AKAP13: variants seen among roughly 807,000 people sequenced by gnomAD.
The protein encoded by AKAP13 is A-kinase anchor protein 13.
Under a neutral mutation model 264.5 loss-of-function variants are expected in AKAP13, and 80 were observed. The ratio of observed to expected loss-of-function variants is 0.30; its 90% CI spans 0.25 to 0.36. The LOEUF (loss-of-function observed/expected upper bound fraction) is 0.36, where lower values mean the gene tolerates loss of function less well. Among genes scored for constraint, AKAP13 ranks in the 10% least tolerant of loss-of-function variants. The probability of loss-of-function intolerance (pLI) is 1.00; values close to 1 mark genes in which losing one functional copy is unlikely to be tolerated. For missense variants in AKAP13, 3,712 were observed against 3,435.2 expected (o/e 1.08, Z -2.01); for synonymous variants, 1,380 against 1,250.2 (o/e 1.10, Z -2.19).
intron 1 of AKAP13, among the ~76,000 whole-genome samples, chr15:85,476,994 G>C (rs1181586747): frequency 6.6e-6 from 1 of 152,102 alleles, no homozygotes; most frequent in Non-Finnish European, 1.5e-5. Context: ...GGAAGCTCTA[G>C]GAAAACTAAG....
intron 1 of AKAP13, among the ~76,000 whole-genome samples, chr15:85,437,733 A>G (rs555285209): frequency 6.6e-6 from 1 of 152,256 alleles, no homozygotes; most frequent in Admixed American, 6.5e-5. Flanking sequence ...TGGTTATCTC[A>G]ATAGATGCAG....
At chr15:85,543,144 T>C (rs1001104195) in intron 4 of AKAP13, among the ~76,000 whole-genome samples, 2 of 152,202 alleles carry the variant, frequency 1.3e-5, no homozygotes, top group African/African-American at 4.8e-5. Context: ...TAGTCTTCCT[T>C]ATTGTGCCAG....
At chr15:85,565,324 T>G (rs1324796345) in intron 5 of AKAP13, among the ~76,000 whole-genome samples, 4 of 152,234 alleles carry the variant, frequency 2.6e-5, no homozygotes, top group African/African-American at 9.6e-5. Flanking sequence ...GATCTTTCTT[T>G]CACTTGTTTT....
Position 85,727,593 on chromosome 15 carries a change from A to T in AKAP13, c.7087+130A>T. The T allele has an allele frequency of 1.1e-6, 1 of 892,140 alleles. No homozygotes were observed. Among genetic ancestry groups the T allele is most frequent in the South Asian group, 1.7e-5 (1 of 60,458 alleles). The allele number at this position is 892,140 out of a possible 1,614,324, so 55.3% of individuals were successfully genotyped here. Reference sequence around the variant, plus strand: ...GCCCCAGCAGGCACTTGAAAGCAGCAAAATGAATAGCTGTTAACAAAAGAG... The same window carrying T: ...GCCCCAGCAGGCACTTGAAAGCAGCTAAATGAATAGCTGTTAACAAAAGAG... On this transcript the variant is annotated intron_variant, in intron 29 of 36. Transcript: ENST00000394518. The surrounding 1 kb of genome is among the most constrained non-coding windows in gnomAD (Gnocchi z 5.3).
intron 1 of AKAP13, among the ~76,000 whole-genome samples, chr15:85,422,611 A>G (rs780207852): frequency 6.6e-6 from 1 of 152,246 alleles, no homozygotes; most frequent in Non-Finnish European, 1.5e-5. Context: ...TAACCAAACC[A>G]AACCAAATGA....
In AKAP13 at chr15:85,450,399, C is replaced by A. The variant is rs541590294; in HGVS notation, c.-11-35311C>A. On this transcript the variant is annotated intron_variant, in intron 1 of 36. Transcript: ENST00000394518. ...TCTGATTTTTGTTATTTCTCTTCTT[C>A]TGCTAGCTTTGGGGTTGATTTGTTC... 4.1e-4 allele frequency among the ~76,000 whole-genome samples: 63 copies of A among 152,098 alleles called. No homozygotes were observed. In the Middle Eastern group the frequency reaches 0.014, roughly 33 times the overall value.
chr15:85,743,397 C>T, intron 35 of AKAP13, 95 bp from the exon 36 acceptor site: 2 of 1,359,832 alleles, frequency 1.5e-6, no homozygotes, highest in African/African-American at 1.4e-5. Context: ...AGTACCCAGC[C>T]AGCACACCCA....
chr15:85,466,435 A>G (rs923077519), intron 1 of AKAP13, among the ~76,000 whole-genome samples: 5 of 152,122 alleles, frequency 3.3e-5, no homozygotes, highest in South Asian at 2.1e-4. Context: ...GCCCATGCCT[A>G]TGTCCTGAAT....
At chr15:85,458,796 G>T (rs7171364) in intron 1 of AKAP13, among the ~76,000 whole-genome samples, 87 of 152,058 alleles carry the variant, frequency 5.7e-4, no homozygotes, top group African/African-American at 2.1e-3. Flanking sequence ...TAAGTTTTCC[G>T]TGACAACTTG....
At chr15:85,736,002 A>T (rs1254424181) in intron 32 of AKAP13, 88 bp from the exon 33 acceptor site, 16 of 1,078,638 alleles carry the variant, frequency 1.5e-5, no homozygotes, top group Middle Eastern at 2.0e-4. Flanking sequence ...TAGAAAATGG[A>T]AAGCTACAGC....
chr15:85,570,075 CAA>C (rs141206000), intron 5 of AKAP13, among the ~76,000 whole-genome samples: 2 of 83,508 alleles, frequency 2.4e-5, no homozygotes, highest in African/African-American at 9.8e-5. Context: ...GACTCCGTCT[CAA>C]AAAAAAAAAA....
intron 4 of AKAP13, among the ~76,000 whole-genome samples, chr15:85,541,271 A>C (rs1249787440): frequency 3.3e-5 from 5 of 152,230 alleles, no homozygotes; most frequent in Non-Finnish European, 5.9e-5. Context: ...TGATATCTTC[A>C]AGTTATTTTG....
In AKAP13 at chr15:85,716,074, TTC is replaced by T. The variant is rs2086918885; in HGVS notation, c.5735+153_5735+154del. 3 of 993,518 alleles carry T rather than the reference TTC, an allele frequency of 3.0e-6. No individual in the cohort carries two copies. The East Asian group carries it at 9.3e-5, about 31-fold the overall frequency. The allele number at this position is 993,518 out of a possible 1,614,324, so 61.5% of individuals were successfully genotyped here. On this transcript the variant is annotated intron_variant, in intron 20 of 36. Transcript: ENST00000394518. ...CAGACAAGGACGATGGGGATTATGT[TTC>T]TGATGCATGTCATGATGGTCATTCT...
At chr15:85,552,803 T>C (rs946131554) in intron 5 of AKAP13, among the ~76,000 whole-genome samples, 2 of 151,584 alleles carry the variant, frequency 1.3e-5, no homozygotes, top group African/African-American at 2.4e-5. Context: ...AATTTTTTTG[T>C]ATGTTTTTTC....
At chr15:85,442,503 T>TTATATATAA (rs1555429996) in intron 1 of AKAP13, among the ~76,000 whole-genome samples, 55 of 108,472 alleles carry the variant, frequency 5.1e-4, no homozygotes, top group Non-Finnish European at 7.8e-4. Flanking sequence ...ATATATTATA[T>TTATATATAA]TATATATAAT....
At chr15:85,531,596 C>CT (rs1196633056) in intron 3 of AKAP13, among the ~76,000 whole-genome samples, 3 of 152,146 alleles carry the variant, frequency 2.0e-5, no homozygotes, top group Non-Finnish European at 4.4e-5. Context: ...AGAAATATTG[C>CT]TTTTTTCCCC....
At chr15:85,510,386 A>G (rs966708975) in intron 2 of AKAP13, among the ~76,000 whole-genome samples, 1 of 152,174 alleles carries the variant, frequency 6.6e-6, no homozygotes, top group Non-Finnish European at 1.5e-5. Context: ...AGCATTTGTT[A>G]TATTACTAAT....
At chr15:85,395,002 C>T (rs2071044032) in intron 1 of AKAP13, among the ~76,000 whole-genome samples, 1 of 152,148 alleles carries the variant, frequency 6.6e-6, no homozygotes, top group Admixed American at 6.5e-5. Flanking sequence ...TAATACAGTA[C>T]AGTAAATAGA....
At chr15:85,381,073 C>A (rs890661061) in intron 1 of AKAP13, among the ~76,000 whole-genome samples, 1 of 152,068 alleles carries the variant, frequency 6.6e-6, no homozygotes. Context: ...AACTTAGAGG[C>A]CGTCGCCGCT....
Sources: gnomAD v4.1 joint callset for allele counts (sites outside exome capture counted in the v4.1 genomes callset) on GRCh38, gnomAD v4.1.1 for gene constraint, Gnocchi (gnomAD v3.1) non-coding constraint, MANE v1.5 for transcripts, NCBI Gene and HGNC (gene_info 2026-07-23, HGNC 2026-07-21) for gene names.